Variants in CDS2 observed in about 807,000 individuals in gnomAD.
CDS2 encodes the protein phosphatidate cytidylyltransferase 2.
A neutral mutation model predicts 59.0 loss-of-function variants in CDS2; 47 were observed. The observed-to-expected ratio is 0.80, with a 90% CI of 0.63 to 1.02. The LOEUF (loss-of-function observed/expected upper bound fraction) is 1.02. CDS2 is among the 50% of genes least tolerant of loss of function. The pLI is 0.00. For synonymous variants in CDS2, 207 were observed against 206.4 expected (o/e 1.00, Z -0.02); for missense variants, 356 against 558.9 (o/e 0.64, Z 3.66).
In CDS2 at chr20:5,197,205, C is replaced by G. The variant is rs1280359160; in HGVS notation, c.*6971C>G. ...GGGTAAGATCAGATGGGAAGCCCCTCTGTTGAAGGATCTTGGGAACCTTGG... is the reference window on the plus strand; with the variant it reads ...GGGTAAGATCAGATGGGAAGCCCCTGTGTTGAAGGATCTTGGGAACCTTGG... On this transcript the variant is annotated 3_prime_UTR_variant, in exon 13 of 13. Transcript: ENST00000460006. 6.9e-6 allele frequency: 1 copy of G among 145,900 alleles called. No individual in the cohort carries two copies. The highest frequency in any genetic ancestry group is 1.5e-5 in the Non-Finnish European group (1 of 66,760). The allele number at this position is 145,900 out of a possible 1,614,324, so 9.0% of individuals were successfully genotyped here.
Position 5,170,475 on chromosome 20 carries a change from G to A in CDS2, c.58-3048G>A, listed in dbSNP as rs6116674. Among the ~76,000 whole-genome samples the A allele has an allele frequency of 1.4e-4, 21 of 152,312 alleles. No homozygotes were observed. The East Asian group carries it at 4.1e-3, about 29-fold the overall frequency. On this transcript the variant is annotated intron_variant, in intron 1 of 12. Transcript: ENST00000460006. The stretch of plus-strand genomic sequence containing the variant: ...GCAGGCCTCCAGGTTCTTTCTCTCA[G>A]GTTTCTGTTCCCTTTGGCGTCCACA...
chr20:5,133,456 G>A (rs1483125200), intron 1 of CDS2, among the ~76,000 whole-genome samples: 1 of 152,150 alleles, frequency 6.6e-6, no homozygotes, highest in East Asian at 1.9e-4. Flanking sequence ...CCACAGCTCA[G>A]AGAGTTTAAG....
At chr20:5,133,082 G>C (rs984393730) in intron 1 of CDS2, among the ~76,000 whole-genome samples, 3 of 152,012 alleles carry the variant, frequency 2.0e-5, no homozygotes, top group African/African-American at 7.2e-5. Context: ...GAGGAGAATG[G>C]CGTGATGGCG....
intron 1 of CDS2, among the ~76,000 whole-genome samples, chr20:5,136,636 G>A (rs2090652112): frequency 6.6e-6 from 1 of 152,032 alleles, no homozygotes; most frequent in Non-Finnish European, 1.5e-5. Flanking sequence ...ATTTGCTCTA[G>A]GTCCCTCCTA....
At chr20:5,129,236 C>T (rs918538636) in intron 1 of CDS2, among the ~76,000 whole-genome samples, 5 of 152,070 alleles carry the variant, frequency 3.3e-5, no homozygotes, top group African/African-American at 1.2e-4. Flanking sequence ...CCCCATTATT[C>T]AGAACTTCTC....
intron 2 of CDS2, among the ~76,000 whole-genome samples, chr20:5,174,265 C>T (rs6139646): frequency 0.067 from 10,231 of 152,176 alleles, 1,082 homozygotes; most frequent in East Asian, 0.49. Context: ...TCCAACTGTC[C>T]CCTTGGGAGT....
chr20:5,162,440 A>G (rs563436049), intron 1 of CDS2, among the ~76,000 whole-genome samples: 2 of 152,332 alleles, frequency 1.3e-5, no homozygotes, highest in African/African-American at 4.8e-5. Flanking sequence ...TATGCAGGGT[A>G]TATAGACTCG....
intron 5 of CDS2, 39 bp from the exon 6 acceptor site, chr20:5,182,348 C>T (rs2091037713): frequency 1.9e-6 from 3 of 1,564,624 alleles, no homozygotes; most frequent in African/African-American, 1.4e-5. Flanking sequence ...AAATGCAGAA[C>T]ATAATTCATT....
In CDS2 at chr20:5,197,006, C is replaced by CT. The variant is rs955165926; in HGVS notation, c.*6773dup. On this transcript the variant is annotated 3_prime_UTR_variant, in exon 13 of 13. Coordinates refer to ENST00000460006, the MANE Select transcript of CDS2 (RefSeq NM_003818.4). ...GGAGTCTCACAGTGGAGGGCAGACTCTAACAGATGCCAGCTGAACGCTCGC... is the reference window on the plus strand; with the variant it reads ...GGAGTCTCACAGTGGAGGGCAGACTCTTAACAGATGCCAGCTGAACGCTCGC... 3.3e-5 allele frequency: 5 copies of CT among 152,350 alleles called. No homozygotes were observed. The highest frequency in any genetic ancestry group is 4.8e-5 in the African/African-American group (2 of 41,440). The allele number at this position is 152,350 out of a possible 1,614,324, so 9.4% of individuals were successfully genotyped here.
At position 5,192,963 on chromosome 20, in the gene CDS2, C is replaced by T. The variant is rs761661854; in HGVS notation, c.*2729C>T. On this transcript the variant is annotated 3_prime_UTR_variant, in exon 13 of 13. Transcript: ENST00000460006. ...CAGCCCTGCTTGCTTTTGTGAACGT[C>T]GTGTGAGTACACCGAGGTGTTGCAG... 2.6e-5 allele frequency: 4 copies of T among 152,236 alleles called. No homozygotes were observed. The highest frequency in any genetic ancestry group is 2.1e-4 in the South Asian group (1 of 4,830). 9.4% of individuals were successfully genotyped at this position (152,236 alleles called of 1,614,324 possible).
At chr20:5,131,137 C>A (rs929083124) in intron 1 of CDS2, among the ~76,000 whole-genome samples, 15 of 151,338 alleles carry the variant, frequency 9.9e-5, no homozygotes, top group African/African-American at 3.6e-4. Flanking sequence ...TGAAAGATTC[C>A]TCAAAATGTT....
chr20:5,178,774 G>A (rs918145665), intron 4 of CDS2, 43 bp from the exon 5 acceptor site: 4 of 1,610,510 alleles, frequency 2.5e-6, no homozygotes, highest in Non-Finnish European at 2.5e-6. Context: ...TTGCTGTGAA[G>A]GCAAGGGTGC....
At chr20:5,166,795 G>A (rs746628924) in intron 1 of CDS2, among the ~76,000 whole-genome samples, 3 of 152,226 alleles carry the variant, frequency 2.0e-5, no homozygotes, top group Non-Finnish European at 4.4e-5. Context: ...TGGGAGAGCT[G>A]CTTCAGTGGA....
intron 1 of CDS2, among the ~76,000 whole-genome samples, chr20:5,130,841 C>T (rs991438003): frequency 1.3e-5 from 2 of 151,726 alleles, no homozygotes; most frequent in African/African-American, 4.8e-5. Context: ...CCTGTAATCC[C>T]AGCACTTTGG....
intron 1 of CDS2, among the ~76,000 whole-genome samples, chr20:5,165,116 G>A (rs143528551): frequency 3.7e-4 from 56 of 152,302 alleles, no homozygotes; most frequent in African/African-American, 1.3e-3. Flanking sequence ...ACAACTGTAC[G>A]TATTTGAGTT....
chr20:5,144,901 C>G (rs1193071824), intron 1 of CDS2, among the ~76,000 whole-genome samples: 20 of 152,084 alleles, frequency 1.3e-4, no homozygotes, highest in Admixed American at 1.3e-3. Flanking sequence ...GCATGAAGCC[C>G]CATCCAGTTA....
At position 5,137,705 on chromosome 20, in the gene CDS2, A is replaced by G. The variant is rs538743046; in HGVS notation, c.57+10556A>G. 5.3e-3 allele frequency among the ~76,000 whole-genome samples: 810 copies of G among 151,806 alleles called. 5 individuals carry two copies. The highest frequency in any genetic ancestry group is 8.2e-3 in the Non-Finnish European group (558 of 67,874). ...GGTGCACGCCTGTAGTCCCAGCTAC[A>G]TGGGAGGCTGGGGCAGGAGGATCAC... On this transcript the variant is annotated intron_variant, in intron 1 of 12. Transcript: ENST00000460006.
intron 1 of CDS2, among the ~76,000 whole-genome samples, chr20:5,158,693 G>A (rs1047135046): frequency 2.0e-5 from 3 of 152,172 alleles, no homozygotes; most frequent in Non-Finnish European, 4.4e-5. Flanking sequence ...CCAGTTTCTG[G>A]TTGGAGTGAC....
chr20:5,177,233 A>G (rs1201753351), intron 4 of CDS2, among the ~76,000 whole-genome samples: 2 of 151,986 alleles, frequency 1.3e-5, no homozygotes, highest in Non-Finnish European at 1.5e-5. Context: ...GCATCCCACT[A>G]GAGTTGTCTG....
Sources: allele counts gnomAD v4.1 joint callset (sites outside exome capture counted in the v4.1 genomes callset), GRCh38; gene constraint gnomAD v4.1.1; transcripts MANE v1.5; gene names NCBI Gene and HGNC (gene_info 2026-07-23, HGNC 2026-07-21).